Variants in HNRNPUL2 observed in about 807,000 individuals in gnomAD.
HNRNPUL2 encodes heterogeneous nuclear ribonucleoprotein U-like protein 2.
Under a neutral mutation model 102.2 loss-of-function variants are expected in HNRNPUL2, and 27 were observed. That is an observed-to-expected ratio of 0.26 (90% CI 0.19 to 0.36). The LOEUF (loss-of-function observed/expected upper bound fraction) is 0.36. HNRNPUL2 is among the 10% of genes least tolerant of loss of function. The pLI, the probability that HNRNPUL2 is intolerant of heterozygous loss-of-function variation, is 1.00. For synonymous variants in HNRNPUL2, 458 were observed against 387.2 expected (o/e 1.18, Z -2.15); for missense variants, 936 against 981.1 (o/e 0.95, Z 0.61).
rs1260400449 is a variant in HNRNPUL2, at chr11:62,713,220, C to T, written c.*2079G>A. On this transcript the variant is annotated 3_prime_UTR_variant, in exon 14 of 14. Transcript: ENST00000301785. ...CCCCTAAGGGCCCTAGCATCCCCATCCATGTCACAGACTACAAGAAAGATG... is the reference window on the plus strand; with the variant it reads ...CCCCTAAGGGCCCTAGCATCCCCATTCATGTCACAGACTACAAGAAAGATG... The T allele has an allele frequency of 1.3e-5, 2 of 152,226 alleles. No homozygotes were observed. The highest frequency in any genetic ancestry group is 4.8e-5 in the African/African-American group (2 of 41,460). The allele number at this position is 152,226 out of a possible 1,614,324, so 9.4% of individuals were successfully genotyped here.
chr11:62,715,069 A>G lies in HNRNPUL2; in HGVS notation c.*230T>C, dbSNP rs1301057110. The G allele has an allele frequency of 9.3e-6, 5 of 537,192 alleles. No homozygotes were observed. Among genetic ancestry groups the G allele is most frequent in the African/African-American group, 1.9e-5 (1 of 52,640 alleles). 33.3% of individuals were successfully genotyped at this position (537,192 alleles called of 1,614,324 possible). A position where few individuals can be genotyped will look rare whatever the true frequency, so the allele number is the denominator to read the frequency against. On this transcript the variant is annotated 3_prime_UTR_variant, in exon 14 of 14. Coordinates refer to ENST00000301785, the MANE Select transcript of HNRNPUL2 (RefSeq NM_001079559.3). ...AACTAGGTTTGAAATGTTTTATAGA[A>G]TAAGACAATATTCTTTTCAACAAAC...
chr11:62,724,110 G>A (rs914277571), intron 2 of HNRNPUL2, 120 bp from the exon 3 acceptor site: 1 of 1,179,744 alleles, frequency 8.5e-7, no homozygotes, highest in South Asian at 1.4e-5. Context: ...CCAGCAGACA[G>A]CTTTTTCCAA....
At chr11:62,717,943 G>T (rs1483812863) in intron 10 of HNRNPUL2, among the ~76,000 whole-genome samples, 3 of 152,222 alleles carry the variant, frequency 2.0e-5, no homozygotes, top group Non-Finnish European at 4.4e-5. Flanking sequence ...CAGAAGCTGA[G>T]TCCCAGTGGA....
intron 1 of HNRNPUL2, among the ~76,000 whole-genome samples, chr11:62,726,166 T>C (rs995436084): frequency 6.6e-6 from 1 of 152,246 alleles, no homozygotes; most frequent in Non-Finnish European, 1.5e-5. Context: ...ATGCTTTTAA[T>C]GGAACGGACT....
intron 1 of HNRNPUL2, among the ~76,000 whole-genome samples, chr11:62,725,203 T>C (rs2083735761): frequency 6.6e-6 from 1 of 152,190 alleles, no homozygotes; most frequent in Non-Finnish European, 1.5e-5. Flanking sequence ...TATCCTTCAA[T>C]ATATATTTTT....
Position 62,715,576 on chromosome 11 carries a change from C to G in HNRNPUL2, c.2087G>C (p.Gly696Ala). 1 of 1,612,864 alleles carries G rather than the reference C, an allele frequency of 6.2e-7. No homozygotes were observed. The highest frequency in any genetic ancestry group is 8.5e-7 in the Non-Finnish European group (1 of 1,179,024). ...GYRNFYDRYRGDYDRFYGRDY... is the reference protein window; with the variant it reads ...GYRNFYDRYRADYDRFYGRDY... Reference sequence around the variant, plus strand: ...TCGCCCGTAAAATCGATCATAGTCTCCCCTGTATCGATCATAGAAATTACG... The same window carrying G: ...TCGCCCGTAAAATCGATCATAGTCTGCCCTGTATCGATCATAGAAATTACG... The change falls in exon 13 of 14, where the codon GGA becomes GCA. Residue 696 changes from glycine to alanine, a missense_variant. Physicochemically the swap from Gly to Ala is moderately conservative, Grantham distance 60. Coordinates refer to ENST00000301785, the MANE Select transcript of HNRNPUL2 (RefSeq NM_001079559.3).
intron 1 of HNRNPUL2, among the ~76,000 whole-genome samples, chr11:62,726,287 T>G (rs2134784976): frequency 6.6e-6 from 1 of 152,254 alleles, no homozygotes; most frequent in East Asian, 1.9e-4. Flanking sequence ...AATCCCCAAT[T>G]GCTTAGCACT....
intron 10 of HNRNPUL2, among the ~76,000 whole-genome samples, chr11:62,719,141 T>C (rs184587284): frequency 6.6e-6 from 1 of 152,252 alleles, no homozygotes; most frequent in African/African-American, 2.4e-5. Context: ...TTTCCCTTTC[T>C]GTATCTTTTT....
Position 62,727,078 on chromosome 11 carries a change from C to G in HNRNPUL2, c.79G>C (p.Val27Leu). 1 of 1,444,462 alleles carries G rather than the reference C, an allele frequency of 6.9e-7. No individual in the cohort carries two copies. The highest frequency in any genetic ancestry group is 9.1e-7 in the Non-Finnish European group (1 of 1,100,362). The allele number at this position is 1,444,462 out of a possible 1,614,324, so 89.5% of individuals were successfully genotyped here. Residue 27 changes from valine to leucine, a missense_variant, in exon 1 of 14, where the codon GTG (valine) becomes CTG (leucine). Around this residue, in one of 2 missense-constraint regions of HNRNPUL2, gnomAD observed 327 missense variants for 268.1 expected, o/e 1.22. Coordinates refer to ENST00000301785, the MANE Select transcript of HNRNPUL2 (RefSeq NM_001079559.3). ...TCCTGCAGCCGCTGCGCCAGATCCACCTTGAGGCCGCGCGAGTCCAGGCCC... is the reference window on the plus strand; with the variant it reads ...TCCTGCAGCCGCTGCGCCAGATCCAGCTTGAGGCCGCGCGAGTCCAGGCCC... ...RRGLDSRGLK[V>L]DLAQRLQEAL...
rs1195361966 is a variant in HNRNPUL2, at chr11:62,727,425, CCCAGCCGCGG to C, written c.-279_-270del. The C allele has an allele frequency of 9.0e-6, 3 of 334,324 alleles. No homozygotes were observed. Among genetic ancestry groups the C allele is most frequent in the African/African-American group, 6.5e-5 (3 of 46,138 alleles). The allele number at this position is 334,324 out of a possible 1,614,324, so 20.7% of individuals were successfully genotyped here. ...TGTTTCCCCTCCAGGCCCTTGGTTC[CCCAGCCGCGG>C]GCAGGCGCGCGCGGAGGACGACGGA... On this transcript the variant is annotated 5_prime_UTR_variant, in exon 1 of 14. Transcript: ENST00000301785.
At chr11:62,715,720 A>G (rs2083655401) in intron 12 of HNRNPUL2, 113 bp from the exon 13 acceptor site, 1 of 1,153,944 alleles carries the variant, frequency 8.7e-7, no homozygotes, top group Non-Finnish European at 1.3e-6. Flanking sequence ...AATTGGTTTA[A>G]TTTTCCCATA....
At chr11:62,725,552 T>C (rs1316579496) in intron 1 of HNRNPUL2, among the ~76,000 whole-genome samples, 1 of 152,202 alleles carries the variant, frequency 6.6e-6, no homozygotes, top group East Asian at 1.9e-4. Context: ...AGTCAAAGGT[T>C]ATGTAATGGG....
At chr11:62,718,353 TATACCA>T (rs2083675630) in intron 10 of HNRNPUL2, among the ~76,000 whole-genome samples, 1 of 152,122 alleles carries the variant, frequency 6.6e-6, no homozygotes, top group Non-Finnish European at 1.5e-5. Context: ...GAAATCAAGT[TATACCA>T]ATGAGATCAT....
intron 1 of HNRNPUL2, among the ~76,000 whole-genome samples, chr11:62,724,912 A>G (rs1382778458): frequency 6.6e-6 from 1 of 152,198 alleles, no homozygotes; most frequent in Non-Finnish European, 1.5e-5. Context: ...TGAAATACAC[A>G]GCCATCCATG....
chr11:62,726,873 T>A lies in HNRNPUL2; in HGVS notation c.284A>T (p.Glu95Val). ...DEEALLEDED[E>V]EPPPAQALGQ... ...CAAGGCTTGAGCAGGGGGTGGCTCC[T>A]CGTCCTCGTCCTCAAGCAGCGCCTC... The change falls in exon 1 of 14, where the codon GAG becomes GTG. Residue 95 changes from glutamate (E) to valine (V), a missense_variant. Glu to Val is a moderately radical substitution (Grantham distance 121). Around this residue, in one of 2 missense-constraint regions of HNRNPUL2, gnomAD observed 327 missense variants for 268.1 expected, o/e 1.22. Coordinates refer to ENST00000301785, the MANE Select transcript of HNRNPUL2 (RefSeq NM_001079559.3). 6.3e-7 allele frequency: 1 copy of A among 1,579,686 alleles called. No homozygotes were observed.
At chr11:62,722,781 C>T in intron 5 of HNRNPUL2, 32 bp downstream of exon 5, 1 of 1,609,004 alleles carries the variant, frequency 6.2e-7, no homozygotes. Flanking sequence ...TGGTAGTAAA[C>T]ACTAATGAGG....
chr11:62,724,621 A>G (rs886625795), intron 1 of HNRNPUL2, among the ~76,000 whole-genome samples, 195 bp from the exon 2 acceptor site: 2 of 152,212 alleles, frequency 1.3e-5, no homozygotes, highest in African/African-American at 4.8e-5. Flanking sequence ...TTTTTTAAAA[A>G]GGGGCATTAT....
rs2083701906 is a variant in HNRNPUL2, at chr11:62,721,437, G to A, written c.1483-14C>T. The A allele has an allele frequency of 6.8e-7, 1 of 1,475,342 alleles. No individual in the cohort carries two copies. Among genetic ancestry groups the A allele is most frequent in the Non-Finnish European group, 8.9e-7 (1 of 1,121,152 alleles). The allele number at this position is 1,475,342 out of a possible 1,614,324, so 91.4% of individuals were successfully genotyped here. A position where few individuals can be genotyped will look rare whatever the true frequency, so the allele number is the denominator to read the frequency against. On this transcript the variant is annotated splice_polypyrimidine_tract_variant and intron_variant, in intron 8 of 13. Transcript: ENST00000301785. ...GAGACCCTTCATCTGATTAGTTTGA[G>A]AGGAAGTGAAAAAAAAAAACAAAAC...
intron 11 of HNRNPUL2, 61 bp downstream of exon 11, chr11:62,716,928 T>C (rs1394709080): frequency 3.2e-6 from 5 of 1,582,030 alleles, no homozygotes; most frequent in Non-Finnish European, 4.3e-6. Context: ...CTTGCACATC[T>C]TGCTGTACTA....
Sources: gnomAD v4.1 joint callset for allele counts (sites outside exome capture counted in the v4.1 genomes callset) on GRCh38, gnomAD v4.1.1 for gene constraint, gnomAD v4.1.1 regional missense constraint, MANE v1.5 for transcripts, NCBI Gene and HGNC (gene_info 2026-07-23, HGNC 2026-07-21) for gene names.